ESRRG: variants seen among roughly 807,000 people sequenced by gnomAD.
The protein encoded by ESRRG is estrogen-related receptor gamma.
ESRRG carries 13 observed loss-of-function variants against 44.0 expected under a neutral mutation model. That is an observed-to-expected ratio of 0.30 (90% confidence interval 0.19 to 0.47). The LOEUF (loss-of-function observed/expected upper bound fraction) is 0.47, where lower values mean the gene tolerates loss of function less well. ESRRG is among the 20% of genes least tolerant of loss of function. The pLI is 1.00. For synonymous variants in ESRRG, 215 were observed against 214.6 expected (o/e 1.00, Z -0.02); for missense variants, 395 against 580.6 (o/e 0.68, Z 3.29).
intron 1 of ESRRG, among the ~76,000 whole-genome samples, chr1:217,073,520 G>A (rs1368247086): frequency 6.6e-6 from 1 of 152,134 alleles, no homozygotes; most frequent in African/African-American, 2.4e-5. Flanking sequence ...CACTTCAAAT[G>A]TGGCTCTCCT....
At chr1:216,831,775 C>T (rs1180847388) in intron 2 of ESRRG, among the ~76,000 whole-genome samples, 1 of 151,968 alleles carries the variant, frequency 6.6e-6, no homozygotes, top group Non-Finnish European at 1.5e-5. Flanking sequence ...TTACTAAGAC[C>T]TTCTTTGGTT....
At chr1:216,674,615 C>CTTTT (rs5780904) in intron 2 of ESRRG, among the ~76,000 whole-genome samples, 3 of 127,934 alleles carry the variant, frequency 2.3e-5, no homozygotes, top group East Asian at 2.3e-4. Context: ...TTTGGGTAAA[C>CTTTT]TTTTTTTTTT....
chr1:216,703,862 C>T (rs951655292), intron 1 of ESRRG, among the ~76,000 whole-genome samples: 1 of 151,916 alleles, frequency 6.6e-6, no homozygotes, highest in Non-Finnish European at 1.5e-5. Context: ...ATTTTATTGA[C>T]GGCCCTTAAA....
upstream of ESRRG, among the ~76,000 whole-genome samples, chr1:216,726,857 G>T (rs868230453): frequency 1.3e-5 from 2 of 152,038 alleles, no homozygotes; most frequent in African/African-American, 4.8e-5. Flanking sequence ...CTATTTCAAA[G>T]AACAGAATGA....
chr1:216,675,692 G>T (rs1025234632), intron 2 of ESRRG, among the ~76,000 whole-genome samples: 2 of 152,184 alleles, frequency 1.3e-5, no homozygotes, highest in African/African-American at 4.8e-5. Context: ...CACCCTCAGA[G>T]ATTCTGTTTG....
intron 1 of ESRRG, among the ~76,000 whole-genome samples, chr1:216,976,941 T>A (rs1578948184): frequency 6.6e-6 from 1 of 152,318 alleles, no homozygotes; most frequent in East Asian, 1.9e-4. Context: ...AGTTTAATTA[T>A]AGTGGACACC....
intron 3 of ESRRG, among the ~76,000 whole-genome samples, chr1:216,608,189 A>G (rs546473847): frequency 5.9e-5 from 9 of 152,300 alleles, no homozygotes; most frequent in Admixed American, 5.9e-4. Context: ...TATTCTTTTA[A>G]TTTGAATTTA....
chr1:217,050,325 T>C (rs1349005561), intron 1 of ESRRG, among the ~76,000 whole-genome samples: 2 of 152,186 alleles, frequency 1.3e-5, no homozygotes, highest in Non-Finnish European at 2.9e-5. Flanking sequence ...AAGATCTTGA[T>C]AAAATATAGC....
chr1:216,536,367 A>G (rs748543437), intron 5 of ESRRG, among the ~76,000 whole-genome samples: 4 of 152,148 alleles, frequency 2.6e-5, no homozygotes, highest in Non-Finnish European at 5.9e-5. Context: ...ATTTTTAAAT[A>G]CTGAACAACA....
intron 2 of ESRRG, among the ~76,000 whole-genome samples, chr1:216,793,353 C>T (rs1346901806): frequency 1.3e-5 from 2 of 152,160 alleles, no homozygotes; most frequent in East Asian, 1.9e-4. Flanking sequence ...GAAGGTATGT[C>T]ACTTCTGAGA....
chr1:216,875,259 G>T (rs1023025412), intron 2 of ESRRG, among the ~76,000 whole-genome samples: 1 of 152,086 alleles, frequency 6.6e-6, no homozygotes, highest in Non-Finnish European at 1.5e-5. Context: ...ATATAGAAAA[G>T]TGCACAGATC....
At chr1:216,910,259 C>G (rs1413341812) in intron 2 of ESRRG, among the ~76,000 whole-genome samples, 1 of 151,934 alleles carries the variant, frequency 6.6e-6, no homozygotes, top group South Asian at 2.1e-4. Context: ...CACACACACA[C>G]GCATACATTG....
intron 2 of ESRRG, among the ~76,000 whole-genome samples, chr1:216,655,243 G>C (rs1355816003): frequency 2.0e-5 from 3 of 152,098 alleles, no homozygotes; most frequent in Non-Finnish European, 2.9e-5. Context: ...TTGTATTACG[G>C]CTGGTTTGGA....
intron 2 of ESRRG, among the ~76,000 whole-genome samples, chr1:216,659,002 A>C (rs1376962657): frequency 6.6e-6 from 1 of 152,208 alleles, no homozygotes; most frequent in Non-Finnish European, 1.5e-5. Flanking sequence ...TGTGAACTTG[A>C]ACTAGTTGCC....
At chr1:216,828,615 C>T (rs1231977159) in intron 2 of ESRRG, among the ~76,000 whole-genome samples, 1 of 152,198 alleles carries the variant, frequency 6.6e-6, no homozygotes, top group African/African-American at 2.4e-5. Context: ...GTTGTCTCTA[C>T]AAGTACTGGC....
At chr1:217,092,473 G>A (rs74402898), upstream of ESRRG, among the ~76,000 whole-genome samples, 5 of 152,130 alleles carry the variant, frequency 3.3e-5, no homozygotes, top group Non-Finnish European at 7.3e-5. Flanking sequence ...TGAGTAATTT[G>A]CTCAAAATTA....
chr1:216,806,152 T>C (rs2813671), intron 2 of ESRRG, among the ~76,000 whole-genome samples: 30,014 of 152,190 alleles, frequency 0.2, 3,665 homozygotes, highest in East Asian at 0.36. Context: ...AACCATCACA[T>C]GCCCTGCATG....
chr1:216,901,408 C>T (rs1287507647), intron 2 of ESRRG, among the ~76,000 whole-genome samples: 2 of 152,136 alleles, frequency 1.3e-5, no homozygotes, highest in African/African-American at 4.8e-5. Flanking sequence ...TTCTCTGCCT[C>T]CCAGGCTGGA....
At chr1:217,078,453 A>C (rs1401288695) in intron 1 of ESRRG, 2 of 152,278 alleles carry the variant, frequency 1.3e-5, no homozygotes, top group Non-Finnish European at 1.5e-5. Flanking sequence ...AGCTGGTGCC[A>C]AGTGCTGGAG....
Sources: allele counts gnomAD v4.1 joint callset (sites outside exome capture counted in the v4.1 genomes callset), GRCh38; gene constraint gnomAD v4.1.1; transcripts MANE v1.5; gene names NCBI Gene and HGNC (gene_info 2026-07-23, HGNC 2026-07-21).